The following SLC9A7 variants were observed in gnomAD, a reference collection of about 807,000 sequenced individuals.
The protein encoded by SLC9A7 is sodium/hydrogen exchanger 7.
In SLC9A7, 19 loss-of-function variants were observed where a neutral mutation model predicts 52.6. The observed-to-expected ratio is 0.36, with a 90% confidence interval of 0.25 to 0.53. The LOEUF (loss-of-function observed/expected upper bound fraction) is 0.53. Among genes scored for constraint, SLC9A7 ranks in the 20% least tolerant of loss-of-function variants. The pLI is 0.91. For synonymous variants in SLC9A7, 226 were observed against 252.1 expected, an observed-to-expected ratio of 0.90 and a Z score of 0.98; for missense variants, 455 against 597.9, an observed-to-expected ratio of 0.76 and a Z score of 2.49.
chrX:46,708,598 T>G (rs888883671), intron 1 of SLC9A7, among the ~76,000 whole-genome samples: 1 of 111,940 alleles, frequency 8.9e-6, no homozygotes, highest in African/African-American at 3.2e-5. Flanking sequence ...TTGGAGAATA[T>G]GTCAGGCACT....
chrX:46,647,886 G>A (rs757616507), intron 11 of SLC9A7, among the ~76,000 whole-genome samples: 7 of 112,635 alleles, frequency 6.2e-5, no homozygotes, highest in Non-Finnish European at 9.4e-5. Context: ...GGACAGAGGT[G>A]CCTTTAAGGG....
At chrX:46,669,012 A>T (rs1369098852) in intron 5 of SLC9A7, among the ~76,000 whole-genome samples, 1 of 109,293 alleles carries the variant, frequency 9.1e-6, no homozygotes, top group African/African-American at 3.3e-5. Flanking sequence ...CTAAAAATAC[A>T]AAAAAATTAG....
At position 46,661,433 on chromosome X, in the gene SLC9A7, T is replaced by C. The variant is rs908435169; in HGVS notation, c.1041+583A>G. 3.6e-5 allele frequency among the ~76,000 whole-genome samples: 4 copies of C among 112,007 alleles called. No homozygotes were observed. The South Asian group carries it at 1.5e-3, about 42-fold the overall frequency. On this transcript the variant is annotated intron_variant, in intron 7 of 16. Coordinates refer to ENST00000616978, the MANE Select transcript of SLC9A7 (RefSeq NM_001257291.2). ...CATAATTTTGTTATTTTTTTCCATA[T>C]TGATTACATGTTGGAATGATGTGGT...
intron 1 of SLC9A7, among the ~76,000 whole-genome samples, chrX:46,687,533 T>C (rs750514953): frequency 8.9e-6 from 1 of 112,120 alleles, no homozygotes; most frequent in African/African-American, 3.2e-5. Context: ...GGGGGTAATT[T>C]ACATGACTTG....
chrX:46,643,972 C>T (rs1422245273), intron 11 of SLC9A7, among the ~76,000 whole-genome samples: 2 of 111,952 alleles, frequency 1.8e-5, no homozygotes, highest in African/African-American at 6.5e-5. Context: ...ATCAAAGGGA[C>T]GAACATTTCC....
At chrX:46,735,932 T>C in intron 1 of SLC9A7, among the ~76,000 whole-genome samples, 1 of 111,506 alleles carries the variant, frequency 9.0e-6, no homozygotes, top group Non-Finnish European at 1.9e-5. Flanking sequence ...TTGTCTTTAG[T>C]TTTAAGCAGT....
intron 7 of SLC9A7, among the ~76,000 whole-genome samples, chrX:46,655,236 T>C (rs1035765083): frequency 2.7e-5 from 3 of 111,442 alleles, no homozygotes; most frequent in Non-Finnish European, 3.8e-5. Context: ...CTGCCCACCC[T>C]GGCCTTCCAA....
intron 1 of SLC9A7, among the ~76,000 whole-genome samples, chrX:46,720,621 C>A (rs1407017211): frequency 9.0e-6 from 1 of 111,079 alleles, no homozygotes; most frequent in African/African-American, 3.3e-5. Flanking sequence ...TCAAGGCCCA[C>A]AAAGCACTGG....
At chrX:46,614,092 G>A (rs1485395724) in intron 15 of SLC9A7, among the ~76,000 whole-genome samples, 1 of 111,336 alleles carries the variant, frequency 9.0e-6, no homozygotes, top group African/African-American at 3.3e-5. Context: ...TGTTATGGGG[G>A]GCTATTCTGT....
chrX:46,614,458 T>C (rs1747248981), intron 15 of SLC9A7, among the ~76,000 whole-genome samples: 1 of 111,925 alleles, frequency 8.9e-6, no homozygotes. Flanking sequence ...TTTCACACTA[T>C]ATCGTAAAGT....
At chrX:46,684,227 CAG>C (rs1944257514) in intron 1 of SLC9A7, among the ~76,000 whole-genome samples, 1 of 111,800 alleles carries the variant, frequency 8.9e-6, no homozygotes, top group Non-Finnish European at 1.9e-5. Context: ...TTTTTTGAGA[CAG>C]AGTCTCACTT....
intron 7 of SLC9A7, among the ~76,000 whole-genome samples, chrX:46,656,659 G>A (rs1943700431): frequency 9.0e-6 from 1 of 111,577 alleles, no homozygotes; most frequent in Non-Finnish European, 1.9e-5. Flanking sequence ...AAGCGAGAAA[G>A]GAAGTTTAGA....
At chrX:46,721,062 A>G (rs750590073) in intron 1 of SLC9A7, among the ~76,000 whole-genome samples, 1 of 112,176 alleles carries the variant, frequency 8.9e-6, no homozygotes, top group Non-Finnish European at 1.9e-5. Flanking sequence ...GTCCTTATAC[A>G]TATAACTACA....
chrX:46,736,323 T>C lies in SLC9A7; in HGVS notation c.325+22382A>G, dbSNP rs5952935. Among the ~76,000 whole-genome samples the C allele has an allele frequency of 6.9e-3, 776 of 111,968 alleles. 9 individuals are homozygous for C. Among genetic ancestry groups the C allele is most frequent in the African/African-American group, 0.023 (709 of 30,858 alleles). On this transcript the variant is annotated intron_variant, in intron 1 of 16. Coordinates refer to ENST00000616978, the MANE Select transcript of SLC9A7 (RefSeq NM_001257291.2). ...TTTCCATCTCTGTCCTAAAATTACT[T>C]ATCTGATCTTGCATGTTATCTACTT...
intron 3 of SLC9A7, among the ~76,000 whole-genome samples, chrX:46,674,002 A>G (rs1055383056): frequency 1.8e-5 from 2 of 111,859 alleles, no homozygotes; most frequent in Admixed American, 1.9e-4. Context: ...TTGAGAAAAT[A>G]TATATTTCCA....
At chrX:46,624,449 C>T (rs1312341676) in intron 14 of SLC9A7, among the ~76,000 whole-genome samples, 1 of 112,252 alleles carries the variant, frequency 8.9e-6, no homozygotes, top group African/African-American at 3.2e-5. Context: ...ACATATTTGG[C>T]ATTAAAAGTG....
intron 1 of SLC9A7, among the ~76,000 whole-genome samples, chrX:46,727,412 T>G (rs1944962383): frequency 8.9e-6 from 1 of 112,417 alleles, no homozygotes; most frequent in Non-Finnish European, 1.9e-5. Flanking sequence ...TCACAATTAC[T>G]CTGGTACAGT....
intron 1 of SLC9A7, among the ~76,000 whole-genome samples, chrX:46,703,642 T>C (rs1944564465): frequency 9.0e-6 from 1 of 111,509 alleles, no homozygotes; most frequent in Non-Finnish European, 1.9e-5. Context: ...CACATTATTA[T>C]AAAAGGCCTA....
intron 12 of SLC9A7, among the ~76,000 whole-genome samples, chrX:46,641,004 T>C (rs1943398214): frequency 8.9e-6 from 1 of 112,764 alleles, no homozygotes; most frequent in Admixed American, 9.4e-5. Context: ...ACACGTTTAC[T>C]ATCCAACACA....
Sources: gnomAD v4.1 joint callset for allele counts (sites outside exome capture counted in the v4.1 genomes callset) on GRCh38, gnomAD v4.1.1 for gene constraint, MANE v1.5 for transcripts, NCBI Gene and HGNC (gene_info 2026-07-23, HGNC 2026-07-21) for gene names.